The following SDK1 variants were observed in gnomAD, a reference collection of about 807,000 sequenced individuals.
SDK1 encodes the protein protein sidekick-1.
A neutral mutation model predicts 245.5 loss-of-function variants in SDK1; 157 were observed. The observed-to-expected ratio is 0.64, with a 90% CI of 0.56 to 0.73. SDK1 has a LOEUF of 0.73. Among genes scored for constraint, SDK1 ranks in the 30% least tolerant of loss-of-function variants. The pLI is 0.00. For missense variants in SDK1, 3,583 were observed against 3,002.3 expected (o/e 1.19, Z -4.52); for synonymous variants, 1,647 against 1,278.5 (o/e 1.29, Z -6.15).
At chr7:3,909,399 G>C (rs1779074389) in intron 5 of SDK1, among the ~76,000 whole-genome samples, 1 of 152,310 alleles carries the variant, frequency 6.6e-6, no homozygotes, top group Non-Finnish European at 1.5e-5. Context: ...TGGAGCAGGG[G>C]TGGGTGGAGT....
chr7:4,011,768 T>C (rs1011398530), intron 15 of SDK1, among the ~76,000 whole-genome samples: 1 of 152,114 alleles, frequency 6.6e-6, no homozygotes, highest in South Asian at 2.1e-4. Context: ...GAAAACAGTT[T>C]GGGAGGAGTC....
At chr7:4,208,050 C>G (rs201889865) in intron 36 of SDK1, 49 bp from the exon 37 acceptor site, 3 of 1,459,064 alleles carry the variant, frequency 2.1e-6, no homozygotes, top group Admixed American at 3.7e-5. Flanking sequence ...CCCCCGCTTA[C>G]TGGAAGGCTT....
intron 1 of SDK1, among the ~76,000 whole-genome samples, chr7:3,514,299 C>A (rs938956354): frequency 9.9e-5 from 15 of 152,062 alleles, no homozygotes; most frequent in Non-Finnish European, 1.9e-4. Context: ...TTGGGTGTGT[C>A]TTTATGTGTG....
chr7:3,477,516 C>CTTT (rs575753517), intron 1 of SDK1, among the ~76,000 whole-genome samples: 1 of 134,508 alleles, frequency 7.4e-6, no homozygotes, highest in Non-Finnish European at 1.6e-5. Context: ...TTTCTTTTTT[C>CTTT]TTTTTTTTTT....
intron 2 of SDK1, among the ~76,000 whole-genome samples, chr7:3,629,453 C>G (rs960745632): frequency 3.3e-5 from 5 of 152,144 alleles, no homozygotes; most frequent in African/African-American, 1.2e-4. Context: ...AAAGGACTAT[C>G]CAAGAAGATT....
chr7:3,788,076 A>T (rs1780960797), intron 4 of SDK1, among the ~76,000 whole-genome samples: 1 of 152,164 alleles, frequency 6.6e-6, no homozygotes, highest in South Asian at 2.1e-4. Flanking sequence ...ACAGTCTCAA[A>T]GCTGCAGCCC....
intron 1 of SDK1, among the ~76,000 whole-genome samples, chr7:3,392,035 A>G (rs2128570499): frequency 1.3e-5 from 2 of 151,812 alleles, no homozygotes; most frequent in South Asian, 2.1e-4. Flanking sequence ...CAAGGCTTTT[A>G]TGGAGACAAA....
rs577602386 is a variant in SDK1 at position 3,743,306 on chromosome 7, G to A, written c.714-78144G>A. 3.0e-4 allele frequency among the ~76,000 whole-genome samples: 45 copies of A among 152,294 alleles called. 1 individual carries two copies. The highest frequency in any genetic ancestry group is 1.1e-3 in the African/African-American group (45 of 41,556). On this transcript the variant is annotated intron_variant, in intron 4 of 44. Transcript: ENST00000404826. Reference sequence around the variant, plus strand: ...AGAAGTTTCTTGGCTTTCTTGGTGAGGTTTGAGACTCGGGTTCTGTGGCGG... The same window carrying A: ...AGAAGTTTCTTGGCTTTCTTGGTGAAGTTTGAGACTCGGGTTCTGTGGCGG...
chr7:4,122,591 A>G (rs1210442423), intron 25 of SDK1, among the ~76,000 whole-genome samples: 1 of 152,184 alleles, frequency 6.6e-6, no homozygotes, highest in Non-Finnish European at 1.5e-5. Context: ...GTTCTGTGAC[A>G]TCTTATGATA....
In SDK1 at chr7:4,265,824, G is replaced by T; in HGVS notation, c.*440G>T. 1 of 998,276 alleles carries T rather than the reference G, an allele frequency of 1.0e-6. No individual in the cohort carries two copies. The allele number at this position is 998,276 out of a possible 1,614,324, so 61.8% of individuals were successfully genotyped here. On this transcript the variant is annotated 3_prime_UTR_variant, in exon 45 of 45. Coordinates refer to ENST00000404826, the MANE Select transcript of SDK1 (RefSeq NM_152744.4). ...TACCTCCTCTTCCAGAGAACCAGCG[G>T]CTCACACCCTTCTCAACGCAGGACA... is the stretch of plus-strand genomic sequence containing the variant.
intron 43 of SDK1, among the ~76,000 whole-genome samples, chr7:4,244,115 C>G (rs73301695): frequency 0.061 from 9,281 of 152,214 alleles, 936 homozygotes; most frequent in African/African-American, 0.21. Context: ...ACAACACCCA[C>G]GACACAAAAC....
Position 3,365,286 on chromosome 7 carries a change from A to G in SDK1, c.298+63402A>G, listed in dbSNP as rs186394692. Among the ~76,000 whole-genome samples the G allele has an allele frequency of 3.3e-5, 5 of 152,274 alleles. 1 individual carries two copies. In the East Asian group the frequency reaches 5.8e-4, roughly 18 times the overall value. On this transcript the variant is annotated intron_variant, in intron 1 of 44. Transcript: ENST00000404826. ...TTTCAGTTTGAGTGAGTCACTTTTC[A>G]TCTTGTGCTTTTCTAACACCTGGAA... is the stretch of plus-strand genomic sequence containing the variant.
At chr7:3,495,476 C>G (rs1670328196) in intron 1 of SDK1, among the ~76,000 whole-genome samples, 1 of 152,054 alleles carries the variant, frequency 6.6e-6, no homozygotes, top group Admixed American at 6.6e-5. Context: ...CCAGGCAAGT[C>G]TTGAACACCC....
intron 2 of SDK1, among the ~76,000 whole-genome samples, chr7:3,621,067 G>A (rs1021300948): frequency 1.1e-4 from 17 of 152,252 alleles, no homozygotes; most frequent in African/African-American, 4.1e-4. Flanking sequence ...AGAGAGTGAC[G>A]TAAGCGTTTG....
At chr7:3,536,705 C>G (rs933348455) in intron 1 of SDK1, among the ~76,000 whole-genome samples, 2 of 150,082 alleles carry the variant, frequency 1.3e-5, no homozygotes, top group Non-Finnish European at 3.0e-5. Context: ...AAAAAAAAAA[C>G]AAAAACAAAA....
chr7:3,389,515 A>G (rs1209539066), intron 1 of SDK1, among the ~76,000 whole-genome samples: 1 of 152,150 alleles, frequency 6.6e-6, no homozygotes, highest in Non-Finnish European at 1.5e-5. Context: ...TTAGACTCAT[A>G]TTTTGGACTT....
intron 21 of SDK1, among the ~76,000 whole-genome samples, chr7:4,077,729 A>T (rs1389527283): frequency 6.6e-6 from 1 of 152,128 alleles, no homozygotes; most frequent in African/African-American, 2.4e-5. Context: ...AAACCCATAG[A>T]TCTTGTGAGA....
intron 22 of SDK1, among the ~76,000 whole-genome samples, chr7:4,095,164 C>T (rs1007629336): frequency 2.0e-5 from 3 of 147,620 alleles, no homozygotes; most frequent in African/African-American, 2.5e-5. Context: ...AGCTCCCCCA[C>T]ATCTGAGCTC....
chr7:4,104,666 C>G (rs557361887), intron 22 of SDK1, among the ~76,000 whole-genome samples: 1 of 152,180 alleles, frequency 6.6e-6, no homozygotes, highest in Non-Finnish European at 1.5e-5. Flanking sequence ...CTTTGACACA[C>G]ACTATATATT....
Sources: allele counts gnomAD v4.1 joint callset (sites outside exome capture counted in the v4.1 genomes callset), GRCh38; gene constraint gnomAD v4.1.1; transcripts MANE v1.5; gene names NCBI Gene and HGNC (gene_info 2026-07-23, HGNC 2026-07-21).